The following TESC variants were observed in gnomAD, a reference collection of about 807,000 sequenced individuals.
The protein encoded by TESC is calcineurin B homologous protein 3.
In TESC, 19 loss-of-function variants were observed where a neutral mutation model predicts 31.0. The observed-to-expected ratio is 0.61, with a 90% confidence interval of 0.43 to 0.90. The LOEUF is 0.90. TESC is among the 40% of genes least tolerant of loss of function. The pLI, the probability that TESC is intolerant of heterozygous loss-of-function variation, is 0.00. For synonymous variants in TESC, 109 were observed against 114.8 expected (o/e 0.95, Z 0.32); for missense variants, 248 against 303.8 (o/e 0.82, Z 1.36).
At chr12:117,075,375 G>GAA in intron 1 of TESC, 35 bp from the exon 2 acceptor site, 1 of 1,581,590 alleles carries the variant, frequency 6.3e-7, no homozygotes, top group South Asian at 1.1e-5. Context: ...AAACAAGACA[G>GAA]AAAAAAAAAT....
At position 117,068,338 on chromosome 12, in the gene TESC, T is replaced by C. The variant is rs539665123; in HGVS notation, c.128+6933A>G. Among the ~76,000 whole-genome samples, 3 of 152,252 alleles carry C rather than the reference T, an allele frequency of 2.0e-5. No individual in the cohort carries two copies. The East Asian group carries it at 5.8e-4, about 29-fold the overall frequency. ...TGAGGTCAGGAGTTTAAGACCAGCC[T>C]GGCCAACATGGTGAAACCTTGCCTC... On this transcript the variant is annotated intron_variant, in intron 2 of 7. Coordinates refer to ENST00000335209, the MANE Select transcript of TESC (RefSeq NM_017899.4).
chr12:117,059,364 G>T (rs139362895), intron 2 of TESC, among the ~76,000 whole-genome samples: 2,471 of 152,274 alleles, frequency 0.016, 82 homozygotes, highest in African/African-American at 0.056. Context: ...TCCCACCCAG[G>T]CCTTTCAGCT....
intron 7 of TESC, 112 bp from the exon 8 acceptor site, chr12:117,039,322 T>C: frequency 9.6e-7 from 1 of 1,041,868 alleles, no homozygotes; most frequent in Non-Finnish European, 1.4e-6. Context: ...CCAACTGTGA[T>C]GTTCCAGGCA....
chr12:117,079,630 C>A (rs1955119638), intron 1 of TESC, among the ~76,000 whole-genome samples: 1 of 151,040 alleles, frequency 6.6e-6, no homozygotes, highest in African/African-American at 2.4e-5. Flanking sequence ...AGGACACACA[C>A]TGGATGATTC....
intron 1 of TESC, among the ~76,000 whole-genome samples, chr12:117,088,845 C>T (rs1052946032): frequency 6.6e-6 from 1 of 152,102 alleles, no homozygotes; most frequent in Non-Finnish European, 1.5e-5. Context: ...AAGGGCAATA[C>T]CCAAGTGCCA....
chr12:117,055,762 C>G (rs1210298050), intron 3 of TESC, among the ~76,000 whole-genome samples: 2 of 152,236 alleles, frequency 1.3e-5, no homozygotes, highest in Non-Finnish European at 2.9e-5. Context: ...CAGAGCCTAC[C>G]TGGTTGAGCC....
At position 117,039,080 on chromosome 12, in the gene TESC, C is replaced by A; in HGVS notation, c.*53G>T. The A allele has an allele frequency of 6.3e-7, 1 of 1,591,718 alleles. No individual in the cohort carries two copies. Among genetic ancestry groups the A allele is most frequent in the South Asian group, 1.1e-5 (1 of 88,178 alleles). ...CCGGGCCTGGGCTGCTCCAGCTACGCGGGGAGGCGGCCCCATTGCAAAGTG... is the reference window on the plus strand; with the variant it reads ...CCGGGCCTGGGCTGCTCCAGCTACGAGGGGAGGCGGCCCCATTGCAAAGTG... On this transcript the variant is annotated 3_prime_UTR_variant, in exon 8 of 8. Coordinates refer to ENST00000335209, the MANE Select transcript of TESC (RefSeq NM_017899.4).
Position 117,046,782 on chromosome 12 carries a change from G to A in TESC, c.406C>T (p.Arg136Ter), listed in dbSNP as rs867356353. ...GCCAGAGGAGCATACTTTACATTTC[G>A]ATATTCTTCCAGAGTGATGCGGCCG... ...SDGRITLEEY[R>*]NVVEELLSGN... The change falls in exon 5 of 8, where the codon CGA becomes TGA. Residue 136 changes from arginine (R) to a stop codon, truncating the protein, a stop_gained. Transcript: ENST00000335209. LOFTEE classifies it high-confidence loss of function. The A allele has an allele frequency of 2.6e-6, 4 of 1,564,314 alleles. No homozygotes were observed. In the East Asian group the frequency reaches 7.1e-5, roughly 28 times the overall value.
rs900054025 is a variant in TESC, at chr12:117,099,388, G to A, written c.-106C>T. On this transcript the variant is annotated 5_prime_UTR_variant, in exon 1 of 8. Transcript: ENST00000335209. ...CTCGGGTCCGGCCTCGGGTCGGGAC[G>A]CCGGCGAAGGCTCGGAGCCGCGGGT... The A allele has an allele frequency of 9.7e-6, 11 of 1,136,974 alleles. No homozygotes were observed. Among genetic ancestry groups the A allele is most frequent in the African/African-American group, 4.9e-5 (3 of 61,006 alleles). 70.4% of individuals were successfully genotyped at this position (1,136,974 alleles called of 1,614,324 possible). A position where few individuals can be genotyped will look rare whatever the true frequency, so the allele number is the denominator to read the frequency against.
chr12:117,075,241 C>T, intron 2 of TESC, 30 bp downstream of exon 2: 1 of 1,611,118 alleles, frequency 6.2e-7, no homozygotes, highest in South Asian at 1.1e-5. Flanking sequence ...CATGGCCCCA[C>T]CCAGCACCCA....
chr12:117,040,297 G>A (rs1276610711), intron 7 of TESC, among the ~76,000 whole-genome samples: 4 of 152,186 alleles, frequency 2.6e-5, no homozygotes, highest in Non-Finnish European at 5.9e-5. Context: ...AACACGCATG[G>A]ACACTCACGG....
intron 2 of TESC, among the ~76,000 whole-genome samples, chr12:117,068,398 T>C (rs1268872557): frequency 3.3e-5 from 5 of 151,848 alleles, no homozygotes; most frequent in African/African-American, 1.2e-4. Context: ...GGTGTGGAGG[T>C]GGGTGCCATA....
chr12:117,091,265 G>A (rs949482367), intron 1 of TESC, among the ~76,000 whole-genome samples: 13 of 152,336 alleles, frequency 8.5e-5, no homozygotes, highest in Admixed American at 3.9e-4. Flanking sequence ...GAACAAAAGA[G>A]GCCCTGAGTT....
intron 2 of TESC, among the ~76,000 whole-genome samples, chr12:117,067,076 G>A (rs1954896555): frequency 6.6e-6 from 1 of 152,094 alleles, no homozygotes; most frequent in Non-Finnish European, 1.5e-5. Flanking sequence ...GCTGCCTCAC[G>A]CCCGCTGTCT....
chr12:117,046,754 C>T (rs758644127), intron 5 of TESC, 23 bp downstream of exon 5: 75 of 1,557,306 alleles, frequency 4.8e-5, no homozygotes, highest in Non-Finnish European at 5.8e-5. Flanking sequence ...GAGCCCCGGG[C>T]GGGCCAGAGG....
intron 2 of TESC, among the ~76,000 whole-genome samples, chr12:117,058,510 T>C (rs953584856): frequency 4.0e-5 from 6 of 149,998 alleles, no homozygotes; most frequent in African/African-American, 1.5e-4. Flanking sequence ...TGTCACTGAA[T>C]TGCACATTTT....
intron 2 of TESC, among the ~76,000 whole-genome samples, chr12:117,068,365 A>G (rs1954915961): frequency 6.6e-6 from 1 of 152,152 alleles, no homozygotes; most frequent in South Asian, 2.1e-4. Flanking sequence ...CCTTGCCTCT[A>G]CTAAAAATAC....
intron 6 of TESC, among the ~76,000 whole-genome samples, chr12:117,043,043 G>C (rs1222991158): frequency 6.6e-6 from 1 of 151,984 alleles, no homozygotes; most frequent in East Asian, 1.9e-4. Context: ...TGTGTACCCA[G>C]CAGATAAAGA....
rs1170166704 is a variant in TESC at position 117,099,377 on chromosome 12, C to G, written c.-95G>C. 1.7e-6 allele frequency: 2 copies of G among 1,211,274 alleles called. No homozygotes were observed. Among genetic ancestry groups the G allele is most frequent in the African/African-American group, 1.6e-5 (1 of 62,622 alleles). 75.0% of individuals were successfully genotyped at this position (1,211,274 alleles called of 1,614,324 possible). On this transcript the variant is annotated 5_prime_UTR_variant, in exon 1 of 8. Coordinates refer to ENST00000335209, the MANE Select transcript of TESC (RefSeq NM_017899.4). The stretch of plus-strand genomic sequence containing the variant: ...GCGGGACTGGCCTCGGGTCCGGCCT[C>G]GGGTCGGGACGCCGGCGAAGGCTCG...
Sources: gnomAD v4.1 joint callset for allele counts (sites outside exome capture counted in the v4.1 genomes callset) on GRCh38, gnomAD v4.1.1 for gene constraint, MANE v1.5 for transcripts, NCBI Gene and HGNC (gene_info 2026-07-23, HGNC 2026-07-21) for gene names.